Variants in OSBPL9 observed in about 807,000 individuals in gnomAD.
The protein encoded by OSBPL9 is oxysterol binding protein like 9, also known as oxysterol-binding protein-related protein 9.
A neutral mutation model predicts 106.6 loss-of-function variants in OSBPL9; 40 were observed. The ratio of observed to expected loss-of-function variants is 0.38; its 90% CI spans 0.29 to 0.49. The LOEUF (loss-of-function observed/expected upper bound fraction) is 0.49. OSBPL9 is among the 20% of genes least tolerant of loss of function. OSBPL9 has a pLI of 0.97. For missense variants in OSBPL9, 609 were observed against 887.2 expected (o/e 0.69, Z 3.98); for synonymous variants, 269 against 295.4 (o/e 0.91, Z 0.92).
chr1:51,784,655 C>G (rs760332827), intron 20 of OSBPL9, 73 bp downstream of exon 20: 39 of 1,499,884 alleles, frequency 2.6e-5, no homozygotes, highest in African/African-American at 5.6e-5. Flanking sequence ...ACTACAGCTT[C>G]TGGATTAGGA....
upstream of OSBPL9, among the ~76,000 whole-genome samples, chr1:51,576,515 G>GT (rs539100000): frequency 2.1e-4 from 32 of 151,960 alleles, no homozygotes; most frequent in Non-Finnish European, 4.0e-4. Flanking sequence ...TGTTTTTAGG[G>GT]TTTTTTTGGG....
chr1:51,673,270 A>G (rs375144153), intron 3 of OSBPL9, among the ~76,000 whole-genome samples: 39 of 152,318 alleles, frequency 2.6e-4, no homozygotes, highest in African/African-American at 8.9e-4. Context: ...AAATGATTAC[A>G]GGATTTAATA....
chr1:51,723,010 G>A (rs1662429172), intron 4 of OSBPL9, among the ~76,000 whole-genome samples: 1 of 152,248 alleles, frequency 6.6e-6, no homozygotes, highest in Non-Finnish European at 1.5e-5. Context: ...TTTTAGAGCA[G>A]TTTGAGGTTC....
Position 51,750,216 on chromosome 1 carries a change from A to G in OSBPL9, c.543+21A>G, listed in dbSNP as rs78027733. On this transcript the variant is annotated intron_variant, in intron 8 of 23. Coordinates refer to ENST00000428468, the MANE Select transcript of OSBPL9 (RefSeq NM_024586.6). Reference sequence around the variant, plus strand: ...CCAAAGTAAGTAAATTTTACTTTCAATTACCTTTGTGTATGGAGTTCAAAA... The same window carrying G: ...CCAAAGTAAGTAAATTTTACTTTCAGTTACCTTTGTGTATGGAGTTCAAAA... 11 of 1,583,610 alleles carry G rather than the reference A, an allele frequency of 6.9e-6. No homozygotes were observed. In the East Asian group the frequency reaches 1.8e-4, roughly 26 times the overall value.
intron 2 of OSBPL9, among the ~76,000 whole-genome samples, chr1:51,662,433 A>G (rs567538749): frequency 6.6e-6 from 1 of 152,192 alleles, no homozygotes; most frequent in Non-Finnish European, 1.5e-5. Flanking sequence ...TGCCTTTTCC[A>G]TTATGATAAG....
chr1:51,561,938 G>A, the OSBPL9 span: 3 of 152,154 alleles, frequency 2.0e-5, no homozygotes, highest in African/African-American at 7.2e-5. Flanking sequence ...AGTGACAAAT[G>A]GTGGCGTCAG....
At chr1:51,653,287 A>G (rs1646632299) in intron 2 of OSBPL9, among the ~76,000 whole-genome samples, 1 of 151,950 alleles carries the variant, frequency 6.6e-6, no homozygotes, top group Non-Finnish European at 1.5e-5. Context: ...CTCAGTCACC[A>G]GTCAGTCTGG....
chr1:51,664,534 A>G (rs1647958506), intron 2 of OSBPL9, among the ~76,000 whole-genome samples: 1 of 152,034 alleles, frequency 6.6e-6, no homozygotes, highest in South Asian at 2.1e-4. Flanking sequence ...TACAAAAAAT[A>G]TAAAAATTAG....
intron 4 of OSBPL9, among the ~76,000 whole-genome samples, chr1:51,733,891 G>T (rs557261254): frequency 6.6e-6 from 1 of 152,124 alleles, no homozygotes; most frequent in East Asian, 1.9e-4. Context: ...AGTACTAATT[G>T]GTTCTGGAGT....
chr1:51,584,438 G>A (rs1057363092), intron 1 of OSBPL9, among the ~76,000 whole-genome samples: 1 of 151,622 alleles, frequency 6.6e-6, no homozygotes, highest in African/African-American at 2.4e-5. Flanking sequence ...GGCCAGGTGC[G>A]GTGGCTCATG....
intron 1 of OSBPL9, among the ~76,000 whole-genome samples, chr1:51,640,704 A>G (rs909861496): frequency 2.6e-5 from 4 of 152,190 alleles, no homozygotes; most frequent in Non-Finnish European, 4.4e-5. Context: ...GGGACCATTC[A>G]TTGAGCAGAC....
intron 14 of OSBPL9, among the ~76,000 whole-genome samples, chr1:51,776,390 C>T (rs1025719382): frequency 2.6e-5 from 4 of 152,150 alleles, no homozygotes; most frequent in African/African-American, 7.2e-5. Flanking sequence ...AATAGTGGGA[C>T]GCTGAGCTTC....
At chr1:51,580,007 C>G (rs1206201500) in intron 1 of OSBPL9, among the ~76,000 whole-genome samples, 1 of 152,132 alleles carries the variant, frequency 6.6e-6, no homozygotes, top group African/African-American at 2.4e-5. Flanking sequence ...GCACTCACTT[C>G]TCTCTGAGAT....
intron 3 of OSBPL9, among the ~76,000 whole-genome samples, chr1:51,708,861 T>C (rs1475274080): frequency 6.6e-6 from 1 of 152,262 alleles, no homozygotes; most frequent in Non-Finnish European, 1.5e-5. Flanking sequence ...AATTTTATCT[T>C]CTTCCCAAAC....
At chr1:51,536,612 C>A in the OSBPL9 span, among the ~76,000 whole-genome samples, 1 of 152,190 alleles carries the variant, frequency 6.6e-6, no homozygotes, top group African/African-American at 2.4e-5. Context: ...AGCCACCACA[C>A]CTAGCCTGTT....
rs1200957790 is a variant in OSBPL9 at position 51,745,525 on chromosome 1, T to C, written c.319-11T>C. On this transcript the variant is annotated splice_polypyrimidine_tract_variant and intron_variant, in intron 4 of 23. Coordinates refer to ENST00000428468, the MANE Select transcript of OSBPL9 (RefSeq NM_024586.6). The stretch of plus-strand genomic sequence containing the variant: ...GTTCTGGTAGATTTATTGCAAATTC[T>C]CTTTCTCTAGGGTTTGGATTCAGGA... The C allele has an allele frequency of 6.2e-7, 1 of 1,610,296 alleles. No homozygotes were observed.
At chr1:51,529,767 A>T in the OSBPL9 span, among the ~76,000 whole-genome samples, 2 of 151,120 alleles carry the variant, frequency 1.3e-5, no homozygotes, top group Admixed American at 6.7e-5. Flanking sequence ...AAAAGGATGA[A>T]GTTGAACCCC....
chr1:51,540,903 C>T, the OSBPL9 span, among the ~76,000 whole-genome samples: 1 of 146,554 alleles, frequency 6.8e-6, no homozygotes, highest in African/African-American at 2.5e-5. Flanking sequence ...AGGCTGCAGT[C>T]AGCCAAGATA....
chr1:51,525,930 G>A, the OSBPL9 span, among the ~76,000 whole-genome samples: 1 of 152,190 alleles, frequency 6.6e-6, no homozygotes, highest in Admixed American at 6.5e-5. Flanking sequence ...AGACCGGAGT[G>A]CAGTGGTCCA....
Sources: allele counts gnomAD v4.1 joint callset (sites outside exome capture counted in the v4.1 genomes callset), GRCh38; gene constraint gnomAD v4.1.1; transcripts MANE v1.5; gene names NCBI Gene and HGNC (gene_info 2026-07-23, HGNC 2026-07-21).